Variants in ATAD2B observed in about 807,000 individuals in gnomAD.
ATAD2B encodes ATPase family AAA domain containing 2B.
Under a neutral mutation model 167.6 loss-of-function variants are expected in ATAD2B, and 40 were observed. That is an observed-to-expected ratio of 0.24 (90% CI 0.19 to 0.31). The LOEUF is 0.31. Among genes scored for constraint, ATAD2B ranks in the 10% least tolerant of loss-of-function variants. The probability of loss-of-function intolerance (pLI) is 1.00; values close to 1 mark genes in which losing one functional copy is unlikely to be tolerated. For missense variants in ATAD2B, 1,242 were observed against 1,757.2 expected (o/e 0.71, Z 5.24); for synonymous variants, 579 against 596.5 (o/e 0.97, Z 0.43).
At chr2:23,918,047 CAAAAAAAA>C (rs1275119982) in intron 1 of ATAD2B, among the ~76,000 whole-genome samples, 5 of 149,484 alleles carry the variant, frequency 3.3e-5, no homozygotes, top group Non-Finnish European at 7.4e-5. Context: ...AACTCCATCT[CAAAAAAAA>C]GAAAAAAAGA....
intron 5 of ATAD2B, 75 bp downstream of exon 5, chr2:23,885,652 T>A (rs1157278382): frequency 7.5e-6 from 6 of 797,992 alleles, no homozygotes; most frequent in African/African-American, 1.8e-5. Flanking sequence ...AACATCCAAC[T>A]GTTGCATTCT....
At chr2:23,848,822 A>G (rs7423617) in intron 13 of ATAD2B, among the ~76,000 whole-genome samples, 87 of 152,330 alleles carry the variant, frequency 5.7e-4, no homozygotes, top group African/African-American at 1.8e-3. Flanking sequence ...CACTAAATGT[A>G]TAAGTGTCCA....
intron 22 of ATAD2B, among the ~76,000 whole-genome samples, chr2:23,771,484 T>C (rs1678315340): frequency 1.3e-5 from 2 of 152,212 alleles, no homozygotes; most frequent in Admixed American, 1.3e-4. Context: ...GGGGGAATAA[T>C]TTTGTTCCAG....
downstream of ATAD2B, among the ~76,000 whole-genome samples, chr2:23,745,014 G>A (rs1199559946): frequency 2.0e-5 from 3 of 152,192 alleles, no homozygotes; most frequent in African/African-American, 4.8e-5. Flanking sequence ...GGCCAGGCAC[G>A]GTTGCTCACG....
chr2:23,713,617 C>A, the ATAD2B span, among the ~76,000 whole-genome samples: 2 of 152,158 alleles, frequency 1.3e-5, no homozygotes, highest in Non-Finnish European at 2.9e-5. Context: ...TACTTTCTGT[C>A]TCTGTGGATT....
At position 23,889,834 on chromosome 2, in the gene ATAD2B, G is replaced by C. The variant is rs546112675; in HGVS notation, c.369-1435C>G. 7.0e-4 allele frequency among the ~76,000 whole-genome samples: 106 copies of C among 151,576 alleles called. 1 individual carries two copies. The highest frequency in any genetic ancestry group is 3.4e-3 in the Middle Eastern group (1 of 292). Reference sequence around the variant, plus strand: ...CTCGGGAGGCTGAGGCAGGAGAATTGCTTGAACCCAGGAGGCAGATGTTGT... The same window carrying C: ...CTCGGGAGGCTGAGGCAGGAGAATTCCTTGAACCCAGGAGGCAGATGTTGT... On this transcript the variant is annotated intron_variant, in intron 2 of 27. Transcript: ENST00000238789.
the ATAD2B span, among the ~76,000 whole-genome samples, chr2:23,724,016 G>C: frequency 1.3e-5 from 2 of 152,306 alleles, no homozygotes; most frequent in East Asian, 3.9e-4. Flanking sequence ...AAGTAAGCCA[G>C]GAACAGAAAG....
intron 17 of ATAD2B, among the ~76,000 whole-genome samples, chr2:23,815,832 C>T (rs978417374): frequency 2.0e-5 from 3 of 152,188 alleles, no homozygotes; most frequent in Non-Finnish European, 4.4e-5. Context: ...ATTCCCCAGC[C>T]TCTTACTATC....
intron 2 of ATAD2B, among the ~76,000 whole-genome samples, chr2:23,892,582 G>A (rs918004155): frequency 4.0e-5 from 6 of 150,520 alleles, no homozygotes; most frequent in South Asian, 2.1e-4. Flanking sequence ...AGCAATTCTC[G>A]TGCCTCAGCC....
intron 23 of ATAD2B, among the ~76,000 whole-genome samples, chr2:23,763,324 C>T (rs976080714): frequency 3.9e-5 from 6 of 152,200 alleles, no homozygotes; most frequent in Non-Finnish European, 8.8e-5. Context: ...CTGGACTACT[C>T]CAACAGGTTT....
chr2:23,739,163 T>C, the ATAD2B span, among the ~76,000 whole-genome samples: 1 of 152,074 alleles, frequency 6.6e-6, no homozygotes, highest in South Asian at 2.1e-4. Context: ...TTAACAAGGA[T>C]ACCCAGGAAT....
At chr2:23,762,182 CTGG>C in intron 24 of ATAD2B, 24 bp downstream of exon 24, 1 of 1,610,014 alleles carries the variant, frequency 6.2e-7, no homozygotes, top group Non-Finnish European at 8.5e-7. Flanking sequence ...GTTCTCACTA[CTGG>C]ATAACATGAG....
chr2:23,787,046 G>GAA (rs367703424), intron 20 of ATAD2B, among the ~76,000 whole-genome samples: 26 of 136,048 alleles, frequency 1.9e-4, no homozygotes, highest in African/African-American at 3.0e-4. Context: ...GGAAGGGAGG[G>GAA]AAAAAAAAAA....
At chr2:23,780,671 G>A (rs1178308810) in intron 22 of ATAD2B, among the ~76,000 whole-genome samples, 1 of 152,010 alleles carries the variant, frequency 6.6e-6, no homozygotes, top group African/African-American at 2.4e-5. Context: ...AGGCCGAGAG[G>A]GGCAGATCAC....
chr2:23,716,135 GAA>G, the ATAD2B span, among the ~76,000 whole-genome samples: 2 of 152,320 alleles, frequency 1.3e-5, no homozygotes, highest in East Asian at 1.9e-4. Flanking sequence ...ACAATGTTTA[GAA>G]AGACTATTAT....
chr2:23,834,063 G>A lies in ATAD2B; in HGVS notation c.1584C>T (p.Thr528=). ...QDQIHSSIVS[T]LLALMDGLDN... ...CTAATCCATCCATAAGAGCAAGGAG[G>A]GTTGATACTATAGAGCTGTAAAATA... Residue 528 remains threonine, a synonymous_variant, in exon 14 of 28, where the codon ACC becomes ACT. Transcript: ENST00000238789. The A allele has an allele frequency of 6.3e-7, 1 of 1,599,940 alleles. No homozygotes were observed. The highest frequency in any genetic ancestry group is 8.5e-7 in the Non-Finnish European group (1 of 1,173,964).
At chr2:23,721,105 A>T in the ATAD2B span, among the ~76,000 whole-genome samples, 3 of 152,160 alleles carry the variant, frequency 2.0e-5, no homozygotes, top group African/African-American at 7.2e-5. Context: ...AGTCCTGCCC[A>T]GGGTGAAACT....
intron 13 of ATAD2B, among the ~76,000 whole-genome samples, chr2:23,843,965 G>A (rs1441966545): frequency 6.6e-6 from 1 of 152,098 alleles, no homozygotes; most frequent in Admixed American, 6.5e-5. Context: ...TTGAGACAGA[G>A]TCTCACTCTG....
chr2:23,819,709 C>T, intron 17 of ATAD2B, 38 bp downstream of exon 17: 1 of 1,462,382 alleles, frequency 6.8e-7, no homozygotes, highest in Non-Finnish European at 9.3e-7. Flanking sequence ...TATCAAAAAT[C>T]ACTCTAAATA....
Sources: gnomAD v4.1 joint callset for allele counts (sites outside exome capture counted in the v4.1 genomes callset) on GRCh38, gnomAD v4.1.1 for gene constraint, MANE v1.5 for transcripts, NCBI Gene and HGNC (gene_info 2026-07-23, HGNC 2026-07-21) for gene names.